Variants in NRK observed in about 807,000 individuals in gnomAD.
NRK encodes the protein Nik related kinase.
Under a neutral mutation model 125.2 loss-of-function variants are expected in NRK, and 67 were observed. That is an observed-to-expected ratio of 0.54 (90% CI 0.44 to 0.66). The LOEUF (loss-of-function observed/expected upper bound fraction) is 0.66. NRK is among the 30% of genes least tolerant of loss of function. The pLI is 0.00. For synonymous variants in NRK, 458 were observed against 429.0 expected (o/e 1.07, Z -0.84); for missense variants, 1,224 against 1,192.9 (o/e 1.03, Z -0.38).
rs986115290 is a variant in NRK at position 105,940,045 on chromosome X, T to G, written c.3958+13T>G. Reference sequence around the variant, plus strand: ...CACTTCAGTGTCCGTAAGCCACATTTCATGTTTACTACAGCTATATAAATT... The same window carrying G: ...CACTTCAGTGTCCGTAAGCCACATTGCATGTTTACTACAGCTATATAAATT... On this transcript the variant is annotated intron_variant, in intron 23 of 28. Transcript: ENST00000243300. 8.1e-6 allele frequency: 9 copies of G among 1,113,868 alleles called. No individual in the cohort carries two copies. In the Admixed American group the frequency reaches 2.0e-4, roughly 25 times the overall value. The allele number at this position is 1,113,868 out of a possible 1,213,427, so 91.8% of individuals were successfully genotyped here. A position where few individuals can be genotyped will look rare whatever the true frequency, so the allele number is the denominator to read the frequency against.
chrX:105,884,660 A>G (rs2039920347), intron 4 of NRK, among the ~76,000 whole-genome samples: 1 of 112,357 alleles, frequency 8.9e-6, no homozygotes. Context: ...AATGCTGGGG[A>G]GAACTAAAGA....
intron 28 of NRK, among the ~76,000 whole-genome samples, chrX:105,953,437 A>C (rs904586564): frequency 8.9e-6 from 1 of 112,433 alleles, no homozygotes; most frequent in African/African-American, 3.2e-5. Context: ...AAGCTTAGCC[A>C]TTATTTTATT....
At chrX:105,868,849 G>T (rs1014924580) in intron 2 of NRK, among the ~76,000 whole-genome samples, 1 of 109,357 alleles carries the variant, frequency 9.1e-6, no homozygotes, top group Non-Finnish European at 1.9e-5. Flanking sequence ...GCATGTCATA[G>T]GCAAATCCAG....
intron 2 of NRK, among the ~76,000 whole-genome samples, chrX:105,845,245 A>G (rs780282653): frequency 8.9e-6 from 1 of 112,067 alleles, no homozygotes; most frequent in East Asian, 2.8e-4. Context: ...GGACTAGATA[A>G]TATTCATTGT....
intron 2 of NRK, among the ~76,000 whole-genome samples, chrX:105,868,739 C>T (rs1246154358): frequency 4.1e-5 from 4 of 97,326 alleles, no homozygotes; most frequent in African/African-American, 7.5e-5. Context: ...CCACTCTGTT[C>T]GCCACACAAC....
At chrX:105,878,353 T>C (rs1436770238) in intron 2 of NRK, among the ~76,000 whole-genome samples, 1 of 111,211 alleles carries the variant, frequency 9.0e-6, no homozygotes, top group Non-Finnish European at 1.9e-5. Flanking sequence ...TAAAACTGTT[T>C]TATTATAACT....
chrX:105,949,154 G>A (rs1445554786), intron 26 of NRK, among the ~76,000 whole-genome samples: 1 of 111,579 alleles, frequency 9.0e-6, no homozygotes, highest in Non-Finnish European at 1.9e-5. Context: ...ATTTGAGTGA[G>A]TTGGCTGATA....
chrX:105,845,608 A>G (rs2039390587), intron 2 of NRK, among the ~76,000 whole-genome samples: 1 of 111,997 alleles, frequency 8.9e-6, no homozygotes, highest in African/African-American at 3.2e-5. Context: ...TTATTTGCCA[A>G]CCTTACACAG....
chrX:105,898,752 G>A (rs1161200264), intron 8 of NRK, 38 bp downstream of exon 8: 3 of 1,061,283 alleles, frequency 2.8e-6, no homozygotes, highest in Non-Finnish European at 3.7e-6. Context: ...ATTACAATTT[G>A]GAAAGGATTT....
intron 24 of NRK, among the ~76,000 whole-genome samples, chrX:105,944,816 TTCTC>T (rs1210098939): frequency 8.9e-5 from 10 of 111,746 alleles, no homozygotes; most frequent in Admixed American, 8.5e-4. Context: ...CTAAACACAT[TTCTC>T]TCTCTATCTA....
chrX:105,940,519 T>C (rs976126945), intron 23 of NRK, among the ~76,000 whole-genome samples: 2 of 111,213 alleles, frequency 1.8e-5, no homozygotes, highest in African/African-American at 6.5e-5. Context: ...AACTTAATGA[T>C]GAGTCAGAAA....
chrX:105,949,233 T>G (rs1273757140), intron 26 of NRK, among the ~76,000 whole-genome samples: 3 of 112,299 alleles, frequency 2.7e-5, no homozygotes, highest in Non-Finnish European at 5.6e-5. Context: ...TGTGTTATCT[T>G]AAACCCAAGT....
At chrX:105,922,637 A>G (rs750933585) in intron 17 of NRK, among the ~76,000 whole-genome samples, 1 of 111,772 alleles carries the variant, frequency 8.9e-6, no homozygotes, top group South Asian at 3.7e-4. Flanking sequence ...AATGATACAT[A>G]CCATACTTAA....
At chrX:105,942,476 A>G (rs775528547) in intron 23 of NRK, among the ~76,000 whole-genome samples, 8 of 111,953 alleles carry the variant, frequency 7.1e-5, no homozygotes, top group African/African-American at 2.6e-4. Flanking sequence ...CAGTTCCCTC[A>G]TGATTAATGT....
intron 2 of NRK, among the ~76,000 whole-genome samples, chrX:105,842,456 A>G (rs1157303429): frequency 1.8e-5 from 2 of 111,526 alleles, no homozygotes; most frequent in Non-Finnish European, 3.8e-5. Flanking sequence ...TATTGCTTCT[A>G]CTGGGAGCCC....
chrX:105,935,074 A>T, intron 20 of NRK, 96 bp from the exon 21 acceptor site: 1 of 657,537 alleles, frequency 1.5e-6, no homozygotes, highest in Non-Finnish European at 2.4e-6. Context: ...CTATAACTCC[A>T]TCAGGTGCAG....
chrX:105,882,069 T>C (rs758832089), intron 4 of NRK, among the ~76,000 whole-genome samples: 1 of 111,080 alleles, frequency 9.0e-6, no homozygotes, highest in Non-Finnish European at 1.9e-5. Context: ...TAGAACCCTC[T>C]GGCTGAATAG....
chrX:105,866,025 AAAAC>A (rs764163982), intron 2 of NRK, among the ~76,000 whole-genome samples: 8 of 109,924 alleles, frequency 7.3e-5, no homozygotes, highest in Non-Finnish European at 1.1e-4. Flanking sequence ...AAAAAAAAAA[AAAAC>A]ATAAAAGTCA....
At chrX:105,823,526 C>G in intron 1 of NRK, among the ~76,000 whole-genome samples, 1 of 110,233 alleles carries the variant, frequency 9.1e-6, no homozygotes, top group East Asian at 2.8e-4. Flanking sequence ...GGAGTGAATT[C>G]TGCACACTCG....
Sources: allele counts gnomAD v4.1 joint callset (sites outside exome capture counted in the v4.1 genomes callset), GRCh38; gene constraint gnomAD v4.1.1; transcripts MANE v1.5; gene names NCBI Gene and HGNC (gene_info 2026-07-23, HGNC 2026-07-21).